ANKRD33B: variants seen among roughly 807,000 people sequenced by gnomAD.
ANKRD33B encodes ankyrin repeat domain 33B.
Under a neutral mutation model 21.5 loss-of-function variants are expected in ANKRD33B, and 6 were observed. The observed-to-expected ratio is 0.28, with a 90% confidence interval of 0.15 to 0.55. The LOEUF (loss-of-function observed/expected upper bound fraction) is 0.55. Ranked by LOEUF, ANKRD33B falls within the 20% of genes least tolerant of loss-of-function variation. ANKRD33B has a pLI of 0.94. For missense variants in ANKRD33B, 698 were observed against 747.2 expected, an observed-to-expected ratio of 0.93 and a Z score of 0.77; for synonymous variants, 347 against 342.4, an observed-to-expected ratio of 1.01 and a Z score of -0.15.
intron 1 of ANKRD33B, among the ~76,000 whole-genome samples, chr5:10,572,341 A>G (rs1735216087): frequency 6.6e-6 from 1 of 152,094 alleles, no homozygotes; most frequent in African/African-American, 2.4e-5. Flanking sequence ...GCAGAATCCC[A>G]GCCCTCCCCA....
At chr5:10,636,876 G>A (rs540085488) in intron 2 of ANKRD33B, among the ~76,000 whole-genome samples, 1 of 152,322 alleles carries the variant, frequency 6.6e-6, no homozygotes, top group South Asian at 2.1e-4. Flanking sequence ...TTGCCCCACC[G>A]ATGGCGGTTT....
At position 10,650,276 on chromosome 5, in the gene ANKRD33B, G is replaced by C; in HGVS notation, c.*163G>C. On this transcript the variant is annotated 3_prime_UTR_variant, in exon 4 of 4. Transcript: ENST00000296657. ...CTGTTTGTCCAGGCTGCTTCCAAGA[G>C]AGGGCTGAGGGAGCCACATGGATTC... 1.4e-6 allele frequency: 1 copy of C among 738,472 alleles called. No homozygotes were observed. Among genetic ancestry groups the C allele is most frequent in the Non-Finnish European group, 1.9e-6 (1 of 525,480 alleles). The allele number at this position is 738,472 out of a possible 1,614,324, so 45.7% of individuals were successfully genotyped here.
intron 3 of ANKRD33B, 127 bp from the exon 4 acceptor site, chr5:10,649,139 G>A: frequency 7.0e-7 from 1 of 1,426,980 alleles, no homozygotes; most frequent in Non-Finnish European, 9.2e-7. Context: ...ACTAGGTGCA[G>A]TCTGTTAGGA....
At chr5:10,579,022 G>A (rs1735382375) in intron 1 of ANKRD33B, among the ~76,000 whole-genome samples, 1 of 151,924 alleles carries the variant, frequency 6.6e-6, no homozygotes, top group African/African-American at 2.4e-5. Flanking sequence ...AAGTTTTCTG[G>A]TCATGGTGGC....
chr5:10,592,084 G>A (rs1025203627), intron 1 of ANKRD33B, among the ~76,000 whole-genome samples: 9 of 151,830 alleles, frequency 5.9e-5, no homozygotes, highest in African/African-American at 1.2e-4. Flanking sequence ...GTGTGTGTGT[G>A]TGTGTGTGTG....
At chr5:10,591,466 C>T (rs868600076) in intron 1 of ANKRD33B, among the ~76,000 whole-genome samples, 1 of 151,956 alleles carries the variant, frequency 6.6e-6, no homozygotes, top group Non-Finnish European at 1.5e-5. Context: ...AGTGCTGTCC[C>T]GCACCGAGCC....
intron 1 of ANKRD33B, among the ~76,000 whole-genome samples, chr5:10,603,622 G>GA: frequency 6.6e-6 from 1 of 152,116 alleles, no homozygotes; most frequent in Middle Eastern, 3.2e-3. Flanking sequence ...TCATTGTAGG[G>GA]AAAAATGAGA....
intron 1 of ANKRD33B, among the ~76,000 whole-genome samples, chr5:10,578,747 G>GGTTTGTTTATGAGGCAC: frequency 6.6e-6 from 1 of 152,112 alleles, no homozygotes; most frequent in Non-Finnish European, 1.5e-5. Context: ...TGAACCGTTG[G>GGTTTGTTTATGAGGCAC]GTTTGTTTAT....
chr5:10,582,138 G>A (rs1735457137), intron 1 of ANKRD33B, among the ~76,000 whole-genome samples: 1 of 152,092 alleles, frequency 6.6e-6, no homozygotes, highest in Admixed American at 6.6e-5. Context: ...TTGCCTCCAG[G>A]GCCAGCTTCC....
chr5:10,588,836 T>G (rs1030609073), intron 1 of ANKRD33B, among the ~76,000 whole-genome samples: 6 of 152,202 alleles, frequency 3.9e-5, no homozygotes. Context: ...TGGAGATTGC[T>G]TGTTCTGCTG....
At chr5:10,630,547 A>G (rs1026914) in intron 2 of ANKRD33B, among the ~76,000 whole-genome samples, 32,295 of 152,164 alleles carry the variant, frequency 0.21, 3,619 homozygotes, top group Non-Finnish European at 0.24. Flanking sequence ...AAGGTTCACT[A>G]AAATCAACTT....
At chr5:10,591,227 C>G (rs183177106) in intron 1 of ANKRD33B, among the ~76,000 whole-genome samples, 1,786 of 109,344 alleles carry the variant, frequency 0.016, 16 homozygotes, top group Non-Finnish European at 0.025. Flanking sequence ...GAGTCTCATT[C>G]GGTTGCCCAG....
At chr5:10,599,960 A>C (rs1009047446) in intron 1 of ANKRD33B, among the ~76,000 whole-genome samples, 5 of 152,260 alleles carry the variant, frequency 3.3e-5, no homozygotes, top group African/African-American at 1.2e-4. Flanking sequence ...GCAATGCACA[A>C]GGGTTTGTTT....
At position 10,611,166 on chromosome 5, in the gene ANKRD33B, T is replaced by C. The variant is rs1299413720; in HGVS notation, c.367-7167T>C. Among the ~76,000 whole-genome samples, 4 of 152,318 alleles carry C rather than the reference T, an allele frequency of 2.6e-5. No homozygotes were observed. In the South Asian group the frequency reaches 6.2e-4, roughly 24 times the overall value. On this transcript the variant is annotated intron_variant, in intron 1 of 3. Coordinates refer to ENST00000296657, the MANE Select transcript of ANKRD33B (RefSeq NM_001164440.2). ...AAATAGTGATCACCTCTGGGAGGGA[T>C]GGAGAAGAAAGCACAAAAAGGCATT...
chr5:10,646,759 C>T (rs912783169), intron 3 of ANKRD33B, among the ~76,000 whole-genome samples: 4 of 152,360 alleles, frequency 2.6e-5, no homozygotes, highest in Admixed American at 2.6e-4. Flanking sequence ...TAATGAGTTC[C>T]ATCCTGATAT....
chr5:10,623,261 C>T (rs1466078621), intron 2 of ANKRD33B, among the ~76,000 whole-genome samples: 4 of 152,194 alleles, frequency 2.6e-5, no homozygotes, highest in Admixed American at 1.3e-4. Flanking sequence ...ATCTGTGGGG[C>T]ATTGCCGGAA....
rs982457875 is a variant in ANKRD33B, at chr5:10,656,278, C to T, written c.*6165C>T. 3.9e-5 allele frequency: 6 copies of T among 152,352 alleles called. No individual in the cohort carries two copies. Among genetic ancestry groups the T allele is most frequent in the African/African-American group, 7.2e-5 (3 of 41,446 alleles). 9.4% of individuals were successfully genotyped at this position (152,352 alleles called of 1,614,324 possible). On this transcript the variant is annotated 3_prime_UTR_variant, in exon 4 of 4. Transcript: ENST00000296657. ...TGGATTGTTTTGACTTATTTTCAAG[C>T]GACTCAGCTGAAAGCCGGTGTTGCA...
intron 1 of ANKRD33B, among the ~76,000 whole-genome samples, chr5:10,601,205 G>A (rs1276943874): frequency 6.6e-6 from 1 of 152,150 alleles, no homozygotes; most frequent in Non-Finnish European, 1.5e-5. Flanking sequence ...TCCCACACCA[G>A]CTCCCACCTG....
rs1553995853 is a variant in ANKRD33B at position 10,650,130 on chromosome 5, C to T, written c.*17C>T. ...AGGACGTGAGGGCCCGTGTGCCTGG[C>T]GCTGGGGCCGGGGCTGGGGCCGGGG... On this transcript the variant is annotated 3_prime_UTR_variant, in exon 4 of 4. Transcript: ENST00000296657. 3 of 1,464,086 alleles carry T rather than the reference C, an allele frequency of 2.0e-6. No homozygotes were observed. The highest frequency in any genetic ancestry group is 2.7e-5 in the East Asian group (1 of 37,454). The allele number at this position is 1,464,086 out of a possible 1,614,324, so 90.7% of individuals were successfully genotyped here. A position where few individuals can be genotyped will look rare whatever the true frequency, so the allele number is the denominator to read the frequency against.
Sources: allele counts gnomAD v4.1 joint callset (sites outside exome capture counted in the v4.1 genomes callset), GRCh38; gene constraint gnomAD v4.1.1; transcripts MANE v1.5; gene names NCBI Gene and HGNC (gene_info 2026-07-23, HGNC 2026-07-21).